CNTN3: variants seen among roughly 807,000 people sequenced by gnomAD.
The protein encoded by CNTN3 is contactin-3.
In CNTN3, 60 loss-of-function variants were observed where a neutral mutation model predicts 119.1. The ratio of observed to expected loss-of-function variants is 0.50; its 90% CI spans 0.41 to 0.62. CNTN3 has a LOEUF of 0.62. CNTN3 is among the 20% of genes least tolerant of loss of function. The pLI is 0.00. For missense variants in CNTN3, 1,101 were observed against 1,242.4 expected (o/e 0.89, Z 1.71); for synonymous variants, 450 against 438.7 (o/e 1.03, Z -0.32).
At chr3:74,600,301 A>C (rs2106702617) in intron 1 of CNTN3, among the ~76,000 whole-genome samples, 1 of 152,238 alleles carries the variant, frequency 6.6e-6, no homozygotes, top group South Asian at 2.1e-4. Flanking sequence ...AAGTGGGACC[A>C]ACTTGGGGTC....
Position 74,417,809 on chromosome 3 carries a change from T to C in CNTN3, c.454+7036A>G, listed in dbSNP as rs115163610. Among the ~76,000 whole-genome samples, 871 of 152,350 alleles carry C rather than the reference T, an allele frequency of 5.7e-3. 5 individuals carry two copies. The highest frequency in any genetic ancestry group is 0.01 in the Non-Finnish European group (695 of 68,036). On this transcript the variant is annotated intron_variant, in intron 5 of 22. Coordinates refer to ENST00000263665, the MANE Select transcript of CNTN3 (RefSeq NM_020872.3). ...ATACTTGTCTTAATGCGACTATGAA[T>C]CTGTTAATATTCTGAACTCCTGAAA...
chr3:74,334,307 G>GTGAGGAT (rs1003739199), intron 13 of CNTN3, among the ~76,000 whole-genome samples: 1 of 152,154 alleles, frequency 6.6e-6, no homozygotes, highest in African/African-American at 2.4e-5. Context: ...TGGTGCAATT[G>GTGAGGAT]TGAGGATTAA....
At chr3:74,511,269 T>C (rs1703358726) in intron 2 of CNTN3, among the ~76,000 whole-genome samples, 1 of 152,130 alleles carries the variant, frequency 6.6e-6, no homozygotes, top group Non-Finnish European at 1.5e-5. Context: ...TCCATATTCA[T>C]AGACTACAGC....
chr3:74,470,733 T>A (rs546759439), intron 4 of CNTN3, among the ~76,000 whole-genome samples: 203 of 152,308 alleles, frequency 1.3e-3, no homozygotes, highest in African/African-American at 4.6e-3. Context: ...ACTCATGATC[T>A]TTATAAACCA....
intron 1 of CNTN3, among the ~76,000 whole-genome samples, chr3:74,528,414 G>A (rs1196372446): frequency 2.0e-5 from 3 of 151,880 alleles, no homozygotes; most frequent in Non-Finnish European, 2.9e-5. Context: ...TGCCCATTAT[G>A]TGCCAGGCAC....
intron 4 of CNTN3, among the ~76,000 whole-genome samples, chr3:74,482,491 C>T (rs1046634178): frequency 6.6e-6 from 1 of 152,098 alleles, no homozygotes; most frequent in South Asian, 2.1e-4. Context: ...ATGGCCTTTT[C>T]ACTTTCATTT....
At chr3:74,427,409 A>G (rs1486484009) in intron 4 of CNTN3, among the ~76,000 whole-genome samples, 1 of 152,226 alleles carries the variant, frequency 6.6e-6, no homozygotes, top group Non-Finnish European at 1.5e-5. Flanking sequence ...TAGATGCATA[A>G]GAACATACAT....
chr3:74,332,150 G>A (rs779080169), intron 13 of CNTN3, among the ~76,000 whole-genome samples: 1 of 152,148 alleles, frequency 6.6e-6, no homozygotes, highest in Non-Finnish European at 1.5e-5. Context: ...TTTTGGAAAC[G>A]GGATATATCT....
intron 1 of CNTN3, among the ~76,000 whole-genome samples, chr3:74,591,336 A>C (rs1011845245): frequency 6.6e-6 from 1 of 152,024 alleles, no homozygotes; most frequent in Admixed American, 6.6e-5. Flanking sequence ...GTTTGTCAAA[A>C]TGTGGGAAGC....
intron 5 of CNTN3, among the ~76,000 whole-genome samples, chr3:74,380,775 G>A (rs943573991): frequency 1.3e-5 from 2 of 152,160 alleles, no homozygotes; most frequent in African/African-American, 4.8e-5. Context: ...ATAATTAAGG[G>A]CTAGTGAATA....
At chr3:74,449,305 G>C (rs908262784) in intron 4 of CNTN3, among the ~76,000 whole-genome samples, 10 of 152,000 alleles carry the variant, frequency 6.6e-5, no homozygotes, top group Non-Finnish European at 1.2e-4. Flanking sequence ...AGGAGGTTCT[G>C]AGTCTTAAGT....
intron 1 of CNTN3, among the ~76,000 whole-genome samples, chr3:74,599,206 T>C (rs1704865235): frequency 6.6e-6 from 1 of 152,104 alleles, no homozygotes; most frequent in Non-Finnish European, 1.5e-5. Flanking sequence ...TTGGAGAACC[T>C]ACTCTATGCC....
At chr3:74,497,114 T>C (rs1241664892) in intron 3 of CNTN3, among the ~76,000 whole-genome samples, 1 of 151,984 alleles carries the variant, frequency 6.6e-6, no homozygotes, top group African/African-American at 2.4e-5. Context: ...ATATTTATGA[T>C]TATATATGTT....
intron 13 of CNTN3, among the ~76,000 whole-genome samples, chr3:74,333,124 A>T (rs928464284): frequency 1.3e-5 from 2 of 152,262 alleles, no homozygotes; most frequent in African/African-American, 4.8e-5. Context: ...ATCAGTCAGA[A>T]CAATTAGAAA....
At chr3:74,366,800 A>ATATATATATATATATATATATG (rs1388015556) in intron 8 of CNTN3, among the ~76,000 whole-genome samples, 1 of 134,378 alleles carries the variant, frequency 7.4e-6, no homozygotes, top group African/African-American at 2.8e-5. Flanking sequence ...ATATATATAT[A>ATATATATATATATATATATATG]TATATATAAC....
chr3:74,488,245 T>C (rs907041656), intron 3 of CNTN3, among the ~76,000 whole-genome samples: 1 of 151,940 alleles, frequency 6.6e-6, no homozygotes, highest in Non-Finnish European at 1.5e-5. Flanking sequence ...CCAGAGTAGC[T>C]GGGACTACAG....
intron 12 of CNTN3, 41 bp downstream of exon 12, chr3:74,336,490 G>A: frequency 6.3e-7 from 1 of 1,598,950 alleles, no homozygotes; most frequent in Non-Finnish European, 8.6e-7. Context: ...ACATCTTACA[G>A]TGAATCCGTA....
intron 13 of CNTN3, among the ~76,000 whole-genome samples, chr3:74,322,556 G>A (rs1177555870): frequency 6.6e-6 from 1 of 152,272 alleles, no homozygotes; most frequent in Non-Finnish European, 1.5e-5. Flanking sequence ...GATGCAAAAT[G>A]TTATAGCCAT....
chr3:74,457,064 T>C (rs905606959), intron 4 of CNTN3, among the ~76,000 whole-genome samples: 1 of 152,076 alleles, frequency 6.6e-6, no homozygotes, highest in Non-Finnish European at 1.5e-5. Context: ...AAATGTCATA[T>C]TTTATAAAGT....
Sources: allele counts gnomAD v4.1 joint callset (sites outside exome capture counted in the v4.1 genomes callset), GRCh38; gene constraint gnomAD v4.1.1; transcripts MANE v1.5; gene names NCBI Gene and HGNC (gene_info 2026-07-23, HGNC 2026-07-21).